The following GPR158 variants were observed in gnomAD, a reference collection of about 807,000 sequenced individuals.
The protein encoded by GPR158 is G protein-coupled receptor 158.
In GPR158, 30 loss-of-function variants were observed where a neutral mutation model predicts 78.2. That is an observed-to-expected ratio of 0.38 (90% confidence interval 0.29 to 0.52). GPR158 has a LOEUF of 0.52. Among genes scored for constraint, GPR158 ranks in the 20% least tolerant of loss-of-function variants. GPR158 has a pLI of 0.83. For synonymous variants in GPR158, 581 were observed against 591.1 expected (o/e 0.98, Z 0.25); for missense variants, 1,463 against 1,523.5 (o/e 0.96, Z 0.66).
intron 2 of GPR158, among the ~76,000 whole-genome samples, chr10:25,235,373 A>G (rs1475487967): frequency 7.3e-5 from 11 of 151,206 alleles, no homozygotes; most frequent in East Asian, 1.9e-4. Flanking sequence ...AGTGATTACA[A>G]TAATCTAGTA....
At position 25,598,167 on chromosome 10, in the gene GPR158, C is replaced by T; in HGVS notation, c.2541C>T (p.Ser847=). The change falls in exon 11 of 11, where the codon TCC becomes TCT. Residue 847 remains serine (S), a synonymous_variant. Transcript: ENST00000376351. ...AAGAGGAGGAGACAACAGAAAATTC[C>T]ACACTGGAATCCCTGTCGGGTAAAA... ...ESQEEETTEN[S]TLESLSGKKL... 6.2e-7 allele frequency: 1 copy of T among 1,614,128 alleles called. No homozygotes were observed. The highest frequency in any genetic ancestry group is 8.5e-7 in the Non-Finnish European group (1 of 1,180,030).
At chr10:25,422,057 T>C (rs1288760244) in intron 4 of GPR158, among the ~76,000 whole-genome samples, 1 of 152,234 alleles carries the variant, frequency 6.6e-6, no homozygotes, top group Non-Finnish European at 1.5e-5. Flanking sequence ...AAGTCGTTTG[T>C]TCAGTAAATG....
At chr10:25,312,274 A>C (rs1329585766) in intron 2 of GPR158, among the ~76,000 whole-genome samples, 2 of 152,158 alleles carry the variant, frequency 1.3e-5, no homozygotes, top group East Asian at 3.9e-4. Flanking sequence ...TTATATATAT[A>C]TCAGAGAAAT....
intron 5 of GPR158, among the ~76,000 whole-genome samples, chr10:25,536,516 A>C (rs1180007978): frequency 6.6e-6 from 1 of 152,058 alleles, no homozygotes; most frequent in East Asian, 1.9e-4. Flanking sequence ...CCATTTACCA[A>C]CTCTTGTACT....
At chr10:25,304,173 T>G (rs1412146886) in intron 2 of GPR158, among the ~76,000 whole-genome samples, 1 of 152,092 alleles carries the variant, frequency 6.6e-6, no homozygotes, top group Non-Finnish European at 1.5e-5. Flanking sequence ...AAAGCTACTG[T>G]GTGGCAGACA....
At chr10:25,410,762 A>C (rs1390158262) in intron 3 of GPR158, among the ~76,000 whole-genome samples, 1 of 152,242 alleles carries the variant, frequency 6.6e-6, no homozygotes, top group African/African-American at 2.4e-5. Flanking sequence ...GCTTGACAAT[A>C]AAATCCATTT....
chr10:25,404,548 A>G (rs1038254271), intron 3 of GPR158, among the ~76,000 whole-genome samples: 1 of 152,112 alleles, frequency 6.6e-6, no homozygotes, highest in East Asian at 1.9e-4. Flanking sequence ...AATTCAGTAG[A>G]TAGAATACCT....
chr10:25,337,183 AT>A (rs1009234508), intron 2 of GPR158, among the ~76,000 whole-genome samples: 16 of 152,104 alleles, frequency 1.1e-4, no homozygotes, highest in African/African-American at 3.9e-4. Context: ...AAAGACATAC[AT>A]ATAGTAAACC....
intron 2 of GPR158, among the ~76,000 whole-genome samples, chr10:25,390,237 A>G (rs1834276459): frequency 6.6e-6 from 1 of 152,200 alleles, no homozygotes; most frequent in Non-Finnish European, 1.5e-5. Context: ...TACTGCTATT[A>G]AGATACCCTA....
intron 2 of GPR158, among the ~76,000 whole-genome samples, chr10:25,288,676 C>A (rs140635543): frequency 3.9e-4 from 59 of 152,256 alleles, no homozygotes; most frequent in African/African-American, 1.4e-3. Flanking sequence ...GTTAAAATAT[C>A]CATCTTCATT....
intron 4 of GPR158, among the ~76,000 whole-genome samples, chr10:25,423,643 C>G (rs1309083872): frequency 6.6e-6 from 1 of 152,024 alleles, no homozygotes; most frequent in African/African-American, 2.4e-5. Context: ...GTATTTGGTT[C>G]TCTGTCCTGA....
At chr10:25,247,486 C>A (rs1180014832) in intron 2 of GPR158, among the ~76,000 whole-genome samples, 2 of 107,788 alleles carry the variant, frequency 1.9e-5, no homozygotes, top group Non-Finnish European at 3.6e-5. Context: ...CCACCACAGT[C>A]CCCAGAGTGT....
chr10:25,383,836 G>T (rs1393950046), intron 2 of GPR158, among the ~76,000 whole-genome samples: 1 of 152,174 alleles, frequency 6.6e-6, no homozygotes, highest in Non-Finnish European at 1.5e-5. Flanking sequence ...GAATACTTCT[G>T]TGAGCCTATA....
At chr10:25,206,149 C>A (rs1315240617) in intron 1 of GPR158, among the ~76,000 whole-genome samples, 1 of 151,982 alleles carries the variant, frequency 6.6e-6, no homozygotes, top group Non-Finnish European at 1.5e-5. Context: ...CCACACCTGG[C>A]TAATTTTTTG....
chr10:25,229,313 G>T (rs1055799136), intron 2 of GPR158, among the ~76,000 whole-genome samples: 1 of 152,092 alleles, frequency 6.6e-6, no homozygotes, highest in Admixed American at 6.6e-5. Context: ...GATTACTAAC[G>T]CAAATAACCC....
chr10:25,240,844 T>G (rs903147455), intron 2 of GPR158, among the ~76,000 whole-genome samples: 2 of 152,204 alleles, frequency 1.3e-5, no homozygotes, highest in Non-Finnish European at 2.9e-5. Flanking sequence ...AATTCTTTAC[T>G]CTTGAATCAA....
chr10:25,206,350 A>G (rs1367436284), intron 1 of GPR158, among the ~76,000 whole-genome samples: 2 of 152,142 alleles, frequency 1.3e-5, no homozygotes, highest in Non-Finnish European at 2.9e-5. Context: ...AGAACAACCC[A>G]TTTAATTGGT....
chr10:25,285,501 C>T (rs2130758737), intron 2 of GPR158, among the ~76,000 whole-genome samples: 2 of 152,248 alleles, frequency 1.3e-5, no homozygotes, highest in East Asian at 3.9e-4. Context: ...TCAGGAGGCA[C>T]TAGTGTAAGT....
At chr10:25,466,350 G>A (rs542618862) in intron 4 of GPR158, 10 of 251,464 alleles carry the variant, frequency 4.0e-5, no homozygotes, top group South Asian at 3.1e-4. Flanking sequence ...AAGACTTCTC[G>A]TCTCAAAAGT....
Sources: allele counts gnomAD v4.1 joint callset (sites outside exome capture counted in the v4.1 genomes callset), GRCh38; gene constraint gnomAD v4.1.1; transcripts MANE v1.5; gene names NCBI Gene and HGNC (gene_info 2026-07-23, HGNC 2026-07-21).